TMEM132B: variants seen among roughly 807,000 people sequenced by gnomAD.
The protein encoded by TMEM132B is transmembrane protein 132B.
TMEM132B carries 18 observed loss-of-function variants against 90.8 expected under a neutral mutation model. That is an observed-to-expected ratio of 0.20 (90% CI 0.14 to 0.29). The LOEUF (loss-of-function observed/expected upper bound fraction) is 0.29, where lower values mean the gene tolerates loss of function less well. Ranked by LOEUF, TMEM132B falls within the 10% of genes least tolerant of loss-of-function variation. The pLI, the probability that TMEM132B is intolerant of heterozygous loss-of-function variation, is 1.00. For synonymous variants in TMEM132B, 504 were observed against 523.3 expected (o/e 0.96, Z 0.50); for missense variants, 1,096 against 1,326.8 (o/e 0.83, Z 2.70).
chr12:125,286,077 C>G (rs1875346841), intron 1 of TMEM132B, among the ~76,000 whole-genome samples: 1 of 152,210 alleles, frequency 6.6e-6, no homozygotes, highest in African/African-American at 2.4e-5. Context: ...CGAGGTCACC[C>G]TAGCGCCAGG....
chr12:125,255,308 C>A (rs942243467), intron 1 of TMEM132B, among the ~76,000 whole-genome samples: 4 of 151,922 alleles, frequency 2.6e-5, no homozygotes, highest in Non-Finnish European at 4.4e-5. Flanking sequence ...TCTCACCCCC[C>A]CTCCTCTCTT....
At chr12:125,582,821 C>T (rs934254807) in intron 4 of TMEM132B, among the ~76,000 whole-genome samples, 5 of 150,092 alleles carry the variant, frequency 3.3e-5, no homozygotes, top group African/African-American at 1.2e-4. Flanking sequence ...TTTATTATCC[C>T]CGTTTTCCAG....
rs1217472242 is a variant in TMEM132B, at chr12:125,209,529, C to A, written c.67+22663C>A. 6.6e-6 allele frequency among the ~76,000 whole-genome samples: 1 copy of A among 152,176 alleles called. No individual in the cohort carries two copies. Among genetic ancestry groups the A allele is most frequent in the Non-Finnish European group, 1.5e-5 (1 of 68,038 alleles). The stretch of plus-strand genomic sequence containing the variant: ...TTGCTTGAGGGACTGACGGCAGGGA[C>A]CCTGCCACCCCGTTTCCTTTGTTCC... On this transcript the variant is annotated intron_variant, in intron 1 of 8. Coordinates refer to ENST00000682704, the MANE Select transcript of TMEM132B (RefSeq NM_001366854.1). The surrounding 1 kb of genome is among the most constrained non-coding windows in gnomAD (Gnocchi z 4.4).
At chr12:125,620,699 A>T (rs1886095214) in intron 5 of TMEM132B, among the ~76,000 whole-genome samples, 1 of 152,264 alleles carries the variant, frequency 6.6e-6, no homozygotes, top group African/African-American at 2.4e-5. Flanking sequence ...GGAAGGCCTC[A>T]GGAAACTTAC....
chr12:125,520,246 A>C (rs777236144), intron 4 of TMEM132B, among the ~76,000 whole-genome samples: 2 of 152,180 alleles, frequency 1.3e-5, no homozygotes, highest in African/African-American at 2.4e-5. Context: ...GTGAGATTCC[A>C]GAGCCTAAAT....
At chr12:125,517,039 T>G (rs1592968839) in intron 3 of TMEM132B, among the ~76,000 whole-genome samples, 2 of 152,190 alleles carry the variant, frequency 1.3e-5, no homozygotes, top group Non-Finnish European at 2.9e-5. Context: ...ATCTATTTCT[T>G]TGCCTTTCAC....
chr12:125,553,393 C>G (rs1884286733), intron 4 of TMEM132B, among the ~76,000 whole-genome samples: 2 of 152,184 alleles, frequency 1.3e-5, no homozygotes, highest in African/African-American at 4.8e-5. Context: ...GTGAAGCAAC[C>G]AAGAACATAC....
intron 3 of TMEM132B, among the ~76,000 whole-genome samples, chr12:125,491,743 C>T (rs61945407): frequency 1.2e-4 from 18 of 150,166 alleles, no homozygotes; most frequent in African/African-American, 3.3e-4. Context: ...CCCACTGGCT[C>T]GATGGATCGA....
At chr12:125,283,350 A>G (rs1248532798) in intron 1 of TMEM132B, among the ~76,000 whole-genome samples, 1 of 152,134 alleles carries the variant, frequency 6.6e-6, no homozygotes, top group Admixed American at 6.5e-5. Context: ...AAATCTGTTG[A>G]ATATGTATTA....
At chr12:125,255,898 G>T (rs138336086) in intron 1 of TMEM132B, among the ~76,000 whole-genome samples, 77 of 152,316 alleles carry the variant, frequency 5.1e-4, no homozygotes, top group African/African-American at 1.8e-3. Flanking sequence ...GGTATCTGAT[G>T]CTGAGAAACA....
intron 4 of TMEM132B, among the ~76,000 whole-genome samples, chr12:125,576,820 A>G (rs778865090): frequency 6.6e-6 from 1 of 151,754 alleles, no homozygotes; most frequent in Non-Finnish European, 1.5e-5. Context: ...GATAATTCCC[A>G]CTTGTTATGG....
chr12:125,615,042 A>G (rs1257451683), intron 5 of TMEM132B, among the ~76,000 whole-genome samples: 1 of 151,866 alleles, frequency 6.6e-6, no homozygotes, highest in East Asian at 1.9e-4. Flanking sequence ...TCAGCTATTA[A>G]TTTTATTGAG....
chr12:125,330,735 T>A (rs1249165973), intron 1 of TMEM132B, among the ~76,000 whole-genome samples: 1 of 152,144 alleles, frequency 6.6e-6, no homozygotes, highest in African/African-American at 2.4e-5. Context: ...AAATTAAAAT[T>A]TCTTGGCTGG....
At chr12:125,515,267 TTCAC>T (rs1404489127) in intron 3 of TMEM132B, among the ~76,000 whole-genome samples, 2 of 150,280 alleles carry the variant, frequency 1.3e-5, no homozygotes, top group African/African-American at 2.4e-5. Context: ...CATTCATACA[TTCAC>T]TCACACACAA....
At chr12:125,440,002 A>C (rs1341827273) in intron 3 of TMEM132B, among the ~76,000 whole-genome samples, 2 of 152,208 alleles carry the variant, frequency 1.3e-5, no homozygotes, top group Admixed American at 1.3e-4. Context: ...CCAACCTTGC[A>C]TCCTGGGGTT....
chr12:125,576,637 A>G (rs199799726), intron 4 of TMEM132B, among the ~76,000 whole-genome samples: 1 of 152,046 alleles, frequency 6.6e-6, no homozygotes, highest in Non-Finnish European at 1.5e-5. Context: ...GGAAGTTCCC[A>G]TCAATTCCTA....
rs919011717 is a variant in TMEM132B at position 125,656,800 on chromosome 12, G to A, written c.*2090G>A. 6.6e-6 allele frequency: 1 copy of A among 152,138 alleles called. No individual in the cohort carries two copies. 9.4% of individuals were successfully genotyped at this position (152,138 alleles called of 1,614,324 possible). A position where few individuals can be genotyped will look rare whatever the true frequency, so the allele number is the denominator to read the frequency against. On this transcript the variant is annotated 3_prime_UTR_variant, in exon 9 of 9. Transcript: ENST00000682704. ...TGACACATAGCTATCCAGGTGAGTC[G>A]GCTCCTTCTATGAGGCTTTTCAATC...
At chr12:125,543,028 T>C (rs747496865) in intron 4 of TMEM132B, among the ~76,000 whole-genome samples, 9 of 152,182 alleles carry the variant, frequency 5.9e-5, no homozygotes, top group Admixed American at 1.3e-4. Flanking sequence ...ATGACCCTTA[T>C]TCAGTCACTT....
intron 3 of TMEM132B, among the ~76,000 whole-genome samples, chr12:125,422,877 T>A (rs1880208671): frequency 6.6e-6 from 1 of 152,112 alleles, no homozygotes; most frequent in African/African-American, 2.4e-5. Flanking sequence ...GCCAGAAGTG[T>A]GAAAGAATAA....
Sources: allele counts gnomAD v4.1 joint callset (sites outside exome capture counted in the v4.1 genomes callset), GRCh38; gene constraint gnomAD v4.1.1; non-coding constraint Gnocchi (gnomAD v3.1); transcripts MANE v1.5; gene names NCBI Gene and HGNC (gene_info 2026-07-23, HGNC 2026-07-21).